TRIM2: variants seen among roughly 807,000 people sequenced by gnomAD.
The protein encoded by TRIM2 is tripartite motif containing 2.
Under a neutral mutation model 75.2 loss-of-function variants are expected in TRIM2, and 20 were observed. That is an observed-to-expected ratio of 0.27 (90% CI 0.19 to 0.39). TRIM2 has a LOEUF of 0.39. TRIM2 is among the 10% of genes least tolerant of loss of function. TRIM2 has a pLI of 1.00. For synonymous variants in TRIM2, 373 were observed against 388.3 expected (o/e 0.96, Z 0.46); for missense variants, 660 against 990.8 (o/e 0.67, Z 4.48).
At chr4:153,154,684 G>A (rs1729059592) in intron 1 of TRIM2, among the ~76,000 whole-genome samples, 1 of 152,150 alleles carries the variant, frequency 6.6e-6, no homozygotes, top group South Asian at 2.1e-4. Flanking sequence ...AATCAGTATA[G>A]CTTAGAATTT....
At chr4:153,273,129 G>C (rs1018641128) in intron 2 of TRIM2, among the ~76,000 whole-genome samples, 1 of 152,026 alleles carries the variant, frequency 6.6e-6, no homozygotes, top group Non-Finnish European at 1.5e-5. Context: ...GAGTCACTGC[G>C]CCCGGTGGGG....
intron 1 of TRIM2, among the ~76,000 whole-genome samples, chr4:153,163,288 C>G (rs1293073610): frequency 6.6e-6 from 1 of 152,062 alleles, no homozygotes. Context: ...TGGGCTCAGG[C>G]AATCCTCCCA....
intron 1 of TRIM2, chr4:153,257,412 C>T: frequency 1.7e-6 from 2 of 1,146,630 alleles, no homozygotes; most frequent in South Asian, 1.9e-5. Context: ...AAAAAGATGT[C>T]CTGTAAGATC....
intron 1 of TRIM2, among the ~76,000 whole-genome samples, chr4:153,172,355 T>C (rs1730975081): frequency 6.6e-6 from 1 of 151,862 alleles, no homozygotes; most frequent in Non-Finnish European, 1.5e-5. Flanking sequence ...GCCCGGCTAA[T>C]TTTTTGTATT....
chr4:153,193,407 AG>A (rs1733433578), intron 1 of TRIM2, among the ~76,000 whole-genome samples: 1 of 152,208 alleles, frequency 6.6e-6, no homozygotes, highest in Admixed American at 6.5e-5. Context: ...CTGGGATTAC[AG>A]GCATGAGCCA....
At chr4:153,160,494 G>A (rs1222640241) in intron 1 of TRIM2, among the ~76,000 whole-genome samples, 1 of 152,178 alleles carries the variant, frequency 6.6e-6, no homozygotes, top group East Asian at 1.9e-4. Flanking sequence ...GGCTGATCTT[G>A]AACTCCTGGC....
intron 3 of TRIM2, among the ~76,000 whole-genome samples, chr4:153,291,622 C>T (rs1330627677): frequency 6.6e-6 from 1 of 152,084 alleles, no homozygotes. Context: ...GACATTATTT[C>T]CAGCTGAGAA....
At chr4:153,306,726 G>A (rs1362549898) in intron 6 of TRIM2, among the ~76,000 whole-genome samples, 1 of 152,140 alleles carries the variant, frequency 6.6e-6, no homozygotes, top group Non-Finnish European at 1.5e-5. Flanking sequence ...CTGGAGCCAG[G>A]CCATACTGGC....
chr4:153,208,336 C>G (rs1736032561), intron 1 of TRIM2, among the ~76,000 whole-genome samples: 1 of 151,742 alleles, frequency 6.6e-6, no homozygotes, highest in African/African-American at 2.4e-5. Context: ...ATGATACATT[C>G]AAGTTGGTTA....
chr4:153,294,392 T>C lies in TRIM2; in HGVS notation c.693T>C (p.Ile231=). ...AAAAGGCCAGCATCGTGGATGACAT[T>C]CATTCCACCTTTGATGAGCTCCAGA... ...TNQKASIVDD[I]HSTFDELQKT... is the part of the protein sequence containing the mutation. The change falls in exon 5 of 12, where the codon ATT becomes ATC. Residue 231 remains isoleucine (I), a synonymous_variant. Coordinates refer to ENST00000338700, the MANE Select transcript of TRIM2 (RefSeq NM_015271.5). 1 of 1,614,174 alleles carries C rather than the reference T, an allele frequency of 6.2e-7. No homozygotes were observed. The highest frequency in any genetic ancestry group is 8.5e-7 in the Non-Finnish European group (1 of 1,180,022).
chr4:153,264,212 T>G (rs988786559), intron 1 of TRIM2, among the ~76,000 whole-genome samples: 1 of 152,224 alleles, frequency 6.6e-6, no homozygotes, highest in Non-Finnish European at 1.5e-5. Flanking sequence ...TCAGCTAGTC[T>G]TCCATATGAA....
At position 153,184,969 on chromosome 4, in the gene TRIM2, T is replaced by C. The variant is rs1732445581; in HGVS notation, c.-49+31699T>C. ...CTCAAAACAACAACAACGTTTTCCCTGTGGGGAATGCCATTTCTTCTTTTT... is the reference window on the plus strand; with the variant it reads ...CTCAAAACAACAACAACGTTTTCCCCGTGGGGAATGCCATTTCTTCTTTTT... On this transcript the variant is annotated intron_variant, in intron 1 of 11. Transcript: ENST00000437508. Among the ~76,000 whole-genome samples, 4 of 152,334 alleles carry C rather than the reference T, an allele frequency of 2.6e-5. No homozygotes were observed. The South Asian group carries it at 8.3e-4, about 32-fold the overall frequency.
At chr4:153,287,137 T>A (rs1760823619) in intron 3 of TRIM2, among the ~76,000 whole-genome samples, 1 of 152,014 alleles carries the variant, frequency 6.6e-6, no homozygotes, top group Non-Finnish European at 1.5e-5. Flanking sequence ...GCCACTATGC[T>A]CAGCTAATTT....
chr4:153,194,586 T>C (rs1733571181), intron 1 of TRIM2, among the ~76,000 whole-genome samples: 1 of 152,144 alleles, frequency 6.6e-6, no homozygotes, highest in Non-Finnish European at 1.5e-5. Context: ...AGCTGGGGGA[T>C]GCAGGAAGGA....
At chr4:153,210,981 C>T (rs1736831891) in intron 1 of TRIM2, among the ~76,000 whole-genome samples, 1 of 152,164 alleles carries the variant, frequency 6.6e-6, no homozygotes, top group South Asian at 2.1e-4. Context: ...TCTGAGCTGT[C>T]ACTGGAGGGC....
rs116558260 is a variant in TRIM2, at chr4:153,295,603, C to A, written c.1077C>A (p.Gly359=). ...NAVASETVAT[G]EGLRQTIIGQ... ...TTGCCTCAGAGACAGTGGCCACGGG[C>A]GAGGGGCTGCGGCAGACCATCATCG... is the stretch of plus-strand genomic sequence containing the variant. Residue 359 remains glycine, a synonymous_variant, in exon 6 of 12, where the codon GGC becomes GGA. Transcript: ENST00000338700. This position sits in a 1 kb window ranked among gnomAD's most constrained non-coding sequence, Gnocchi z 7.2. The A allele has an allele frequency of 6.8e-6, 11 of 1,613,920 alleles. No homozygotes were observed. In the East Asian group the frequency reaches 2.2e-4, roughly 33 times the overall value.
chr4:153,219,819 G>C (rs1341126751), intron 1 of TRIM2, among the ~76,000 whole-genome samples: 1 of 152,162 alleles, frequency 6.6e-6, no homozygotes, highest in African/African-American at 2.4e-5. Context: ...AGTGAGCCGA[G>C]GTTGTGCCAC....
chr4:153,329,755 TGAACCCAGGAGGAA>T (rs970122061), intron 11 of TRIM2, among the ~76,000 whole-genome samples: 3 of 151,834 alleles, frequency 2.0e-5, no homozygotes, highest in African/African-American at 7.3e-5. Context: ...GAGAATCGCT[TGAACCCAGGAGGAA>T]GAGGCTTCAG....
intron 1 of TRIM2, among the ~76,000 whole-genome samples, chr4:153,255,558 TG>T (rs1375555064): frequency 2.0e-5 from 3 of 152,104 alleles, no homozygotes; most frequent in Non-Finnish European, 4.4e-5. Context: ...TAAAACTCAG[TG>T]GGGGTAGCCT....
Sources: gnomAD v4.1 joint callset for allele counts (sites outside exome capture counted in the v4.1 genomes callset) on GRCh38, gnomAD v4.1.1 for gene constraint, Gnocchi (gnomAD v3.1) non-coding constraint, MANE v1.5 for transcripts, NCBI Gene and HGNC (gene_info 2026-07-23, HGNC 2026-07-21) for gene names.